Variants in EFR3A observed in about 807,000 individuals in gnomAD.
The protein encoded by EFR3A is protein EFR3 homolog A.
EFR3A carries 76 observed loss-of-function variants against 104.4 expected under a neutral mutation model. That is an observed-to-expected ratio of 0.73 (90% CI 0.60 to 0.88). The LOEUF (loss-of-function observed/expected upper bound fraction) is 0.88, where lower values mean the gene tolerates loss of function less well. Ranked by LOEUF, EFR3A falls within the 40% of genes least tolerant of loss-of-function variation. The probability of loss-of-function intolerance (pLI) is 0.00; values close to 1 mark genes in which losing one functional copy is unlikely to be tolerated. For synonymous variants in EFR3A, 330 were observed against 330.0 expected (o/e 1.00, Z 0.00); for missense variants, 985 against 1,012.5 (o/e 0.97, Z 0.37).
intron 1 of EFR3A, among the ~76,000 whole-genome samples, chr8:131,920,067 A>T (rs1816930888): frequency 1.3e-5 from 2 of 152,086 alleles, no homozygotes; most frequent in Admixed American, 1.3e-4. Context: ...TCAAAACTGG[A>T]TTTTGCTTGG....
chr8:131,962,066 A>G (rs1444611270), intron 8 of EFR3A, among the ~76,000 whole-genome samples: 1 of 152,216 alleles, frequency 6.6e-6, no homozygotes, highest in Admixed American at 6.5e-5. Context: ...GAAGCACTAA[A>G]CATGGAAAGG....
At chr8:131,924,516 C>T (rs1263083592) in intron 1 of EFR3A, among the ~76,000 whole-genome samples, 1 of 152,104 alleles carries the variant, frequency 6.6e-6, no homozygotes, top group Non-Finnish European at 1.5e-5. Flanking sequence ...GCTTGTACAG[C>T]TACTGCTAAC....
intron 1 of EFR3A, among the ~76,000 whole-genome samples, chr8:131,907,753 T>C (rs1816322833): frequency 6.6e-6 from 1 of 152,130 alleles, no homozygotes; most frequent in South Asian, 2.1e-4. Flanking sequence ...TGTTCATTCA[T>C]ATTCTCATTC....
chr8:131,961,693 C>G (rs1485711803), intron 8 of EFR3A, among the ~76,000 whole-genome samples: 1 of 152,136 alleles, frequency 6.6e-6, no homozygotes, highest in Non-Finnish European at 1.5e-5. Context: ...CATTCAGATT[C>G]AGGAAATACA....
chr8:131,989,927 A>G (rs1821080122), intron 18 of EFR3A, among the ~76,000 whole-genome samples: 1 of 152,246 alleles, frequency 6.6e-6, no homozygotes, highest in South Asian at 2.1e-4. Context: ...TCTCTTATCA[A>G]CCTAGAATTC....
intron 8 of EFR3A, among the ~76,000 whole-genome samples, chr8:131,967,475 C>T (rs1244532932): frequency 6.6e-6 from 1 of 150,968 alleles, no homozygotes; most frequent in Non-Finnish European, 1.5e-5. Flanking sequence ...GATTGAGAGC[C>T]ACAGGTGCTT....
At chr8:131,981,102 G>A (rs1043308560) in intron 14 of EFR3A, among the ~76,000 whole-genome samples, 1 of 151,010 alleles carries the variant, frequency 6.6e-6, no homozygotes, top group East Asian at 1.9e-4. Flanking sequence ...GGCTGATTCC[G>A]TACTGAGGAA....
At position 131,947,248 on chromosome 8, in the gene EFR3A, G is replaced by C. The variant is rs1818485298; in HGVS notation, c.366+615G>C. Among the ~76,000 whole-genome samples the C allele has an allele frequency of 5.9e-5, 9 of 151,936 alleles. No homozygotes were observed. The South Asian group carries it at 1.9e-3, about 32-fold the overall frequency. ...TGAAGTGGTATCTCATTGTGGTTTT[G>C]ATTTTCATTTCCCTAATGATTAATG... On this transcript the variant is annotated intron_variant, in intron 4 of 22. Transcript: ENST00000254624.
intron 1 of EFR3A, among the ~76,000 whole-genome samples, chr8:131,920,854 T>C (rs1816979404): frequency 6.6e-6 from 1 of 152,140 alleles, no homozygotes; most frequent in Non-Finnish European, 1.5e-5. Flanking sequence ...TAAATAACAA[T>C]ACCTACCTCA....
rs745918264 is a variant in EFR3A at position 131,987,751 on chromosome 8, T to C, written c.2065+49T>C. The C allele has an allele frequency of 4.6e-6, 7 of 1,527,788 alleles. No individual in the cohort carries two copies. In the Admixed American group the frequency reaches 1.6e-4, roughly 36 times the overall value. The allele number at this position is 1,527,788 out of a possible 1,614,324, so 94.6% of individuals were successfully genotyped here. A position where few individuals can be genotyped will look rare whatever the true frequency, so the allele number is the denominator to read the frequency against. On this transcript the variant is annotated intron_variant, in intron 18 of 22. Coordinates refer to ENST00000254624, the MANE Select transcript of EFR3A (RefSeq NM_015137.6). ...TTCACTCTGGTGATTGCTTATGTTA[T>C]AGTAAATTTTTCATTACCCAGTTAA...
intron 19 of EFR3A, among the ~76,000 whole-genome samples, chr8:131,996,773 T>C (rs1300483471): frequency 6.6e-6 from 1 of 152,086 alleles, no homozygotes; most frequent in East Asian, 1.9e-4. Flanking sequence ...AAAGGAACTG[T>C]AAAGTATAAG....
In EFR3A at chr8:131,975,208, A is replaced by G. The variant is rs117875098; in HGVS notation, c.1160-819A>G. On this transcript the variant is annotated intron_variant, in intron 10 of 22. Coordinates refer to ENST00000254624, the MANE Select transcript of EFR3A (RefSeq NM_015137.6). Reference sequence around the variant, plus strand: ...AATTATGTATGTTGAATTAATTCACAGGGGTAAACTATAAACTTGGCTTAT... The same window carrying G: ...AATTATGTATGTTGAATTAATTCACGGGGGTAAACTATAAACTTGGCTTAT... Among the ~76,000 whole-genome samples the G allele has an allele frequency of 3.3e-5, 5 of 152,282 alleles. No individual in the cohort carries two copies. The East Asian group carries it at 9.6e-4, about 29-fold the overall frequency.
chr8:131,996,336 G>A (rs1295361345), intron 18 of EFR3A, 70 bp from the exon 19 acceptor site: 3 of 958,720 alleles, frequency 3.1e-6, no homozygotes, highest in East Asian at 2.9e-5. Flanking sequence ...TCTGAAATAA[G>A]TAGAGTTTAT....
Position 131,904,226 on chromosome 8 carries a change from C to T in EFR3A, c.-87C>T. The T allele has an allele frequency of 7.9e-7, 1 of 1,258,266 alleles. No individual in the cohort carries two copies. The highest frequency in any genetic ancestry group is 1.0e-6 in the Non-Finnish European group (1 of 997,154). The allele number at this position is 1,258,266 out of a possible 1,614,324, so 77.9% of individuals were successfully genotyped here. Reference sequence around the variant, plus strand: ...CTTCGCCTCGTTCCGGCCTCCGCGGCCCAGCAACGGCCGTCATGGTGCCGT... The same window carrying T: ...CTTCGCCTCGTTCCGGCCTCCGCGGTCCAGCAACGGCCGTCATGGTGCCGT... On this transcript the variant is annotated 5_prime_UTR_variant, in exon 1 of 23. Transcript: ENST00000254624.
intron 1 of EFR3A, among the ~76,000 whole-genome samples, chr8:131,928,121 A>G (rs1450309035): frequency 2.6e-5 from 4 of 152,256 alleles, no homozygotes. Flanking sequence ...CTTTGCGTGT[A>G]GTTAAGTACC....
chr8:131,986,197 A>G lies in EFR3A; in HGVS notation c.1873A>G (p.Ile625Val), dbSNP rs78076857. Residue 625 changes from isoleucine (I) to valine (V), a missense_variant, in exon 17 of 23, where the codon ATT becomes GTT. By Grantham distance (29) the Ile-to-Val change is conservative. Transcript: ENST00000254624. ...PAFCQHVSKV[I>V]EIRTMEAPYF... ...TCTGTTTTTGAATATTTTTTAGGTT[A>G]TTGAAATTCGAACTATGGAAGCCCC... 1.0e-3 allele frequency: 1,579 copies of G among 1,571,626 alleles called. 21 individuals carry two copies. In the African/African-American group the frequency reaches 0.019, roughly 19 times the overall value.
chr8:131,959,563 A>G, intron 7 of EFR3A, 22 bp from the exon 8 acceptor site: 1 of 1,600,412 alleles, frequency 6.2e-7, no homozygotes, highest in South Asian at 1.1e-5. Flanking sequence ...GAGAATTTTA[A>G]AGTAATTTTT....
chr8:131,938,842 A>G (rs1346478684), intron 1 of EFR3A, among the ~76,000 whole-genome samples: 8 of 152,074 alleles, frequency 5.3e-5, no homozygotes, highest in African/African-American at 1.7e-4. Flanking sequence ...TTCCTCATTT[A>G]TCCAATGGAG....
At chr8:131,956,022 G>C (rs1211002019) in intron 7 of EFR3A, 117 bp downstream of exon 7, 7 of 1,187,648 alleles carry the variant, frequency 5.9e-6, no homozygotes, top group Non-Finnish European at 8.3e-6. Flanking sequence ...AATGGAACCA[G>C]TGTAACATTG....
Sources: gnomAD v4.1 joint callset for allele counts (sites outside exome capture counted in the v4.1 genomes callset) on GRCh38, gnomAD v4.1.1 for gene constraint, MANE v1.5 for transcripts, NCBI Gene and HGNC (gene_info 2026-07-23, HGNC 2026-07-21) for gene names.